The following PRKG1 variants were observed in gnomAD, a reference collection of about 807,000 sequenced individuals.
The protein encoded by PRKG1 is protein kinase cGMP-dependent 1.
PRKG1 carries 35 observed loss-of-function variants against 88.1 expected under a neutral mutation model. The observed-to-expected ratio is 0.40, with a 90% CI of 0.30 to 0.53. The LOEUF (loss-of-function observed/expected upper bound fraction) is 0.53. Ranked by LOEUF, PRKG1 falls within the 20% of genes least tolerant of loss-of-function variation. The pLI is 0.59. For synonymous variants in PRKG1, 303 were observed against 292.5 expected (o/e 1.04, Z -0.37); for missense variants, 540 against 839.8 (o/e 0.64, Z 4.41).
intron 2 of PRKG1, among the ~76,000 whole-genome samples, chr10:51,192,388 T>C (rs1837653143): frequency 6.6e-6 from 1 of 151,942 alleles, no homozygotes; most frequent in Non-Finnish European, 1.5e-5. Context: ...TCTATTAAAC[T>C]TTGAAATTCT....
chr10:51,750,516 A>G (rs887136505), intron 3 of PRKG1, among the ~76,000 whole-genome samples: 1 of 152,184 alleles, frequency 6.6e-6, no homozygotes, highest in African/African-American at 2.4e-5. Context: ...CCAGGCAATG[A>G]GCTAGCTGCT....
intron 2 of PRKG1, among the ~76,000 whole-genome samples, chr10:51,216,512 TTAA>T (rs762796377): frequency 0.018 from 2,742 of 152,290 alleles, 39 homozygotes; most frequent in Middle Eastern, 0.045. Flanking sequence ...CTCACTGGTT[TTAA>T]AAAACCCGAA....
intron 1 of PRKG1, among the ~76,000 whole-genome samples, chr10:51,002,738 C>T (rs978643484): frequency 6.6e-6 from 1 of 152,170 alleles, no homozygotes; most frequent in African/African-American, 2.4e-5. Flanking sequence ...TGTGATTTAA[C>T]GCTGAGGAGA....
intron 3 of PRKG1, among the ~76,000 whole-genome samples, chr10:51,472,936 G>A (rs1048020636): frequency 6.6e-6 from 1 of 151,916 alleles, no homozygotes; most frequent in African/African-American, 2.4e-5. Flanking sequence ...AAGAAGGGGA[G>A]AAGACACAAA....
chr10:51,740,807 C>G (rs367551626), intron 3 of PRKG1, among the ~76,000 whole-genome samples: 23 of 152,070 alleles, frequency 1.5e-4, no homozygotes, highest in Non-Finnish European at 2.9e-4. Flanking sequence ...AAATTCTACA[C>G]AGCTATCTCC....
At chr10:51,819,208 A>G (rs1001399453) in intron 4 of PRKG1, among the ~76,000 whole-genome samples, 7 of 151,872 alleles carry the variant, frequency 4.6e-5, no homozygotes, top group African/African-American at 1.5e-4. Context: ...TAGAGATCAC[A>G]TGGTGAGAGA....
rs368256307 is a variant in PRKG1, at chr10:51,790,179, A to G, written c.593-14406A>G. Among the ~76,000 whole-genome samples, 8 of 152,216 alleles carry G rather than the reference A, an allele frequency of 5.3e-5. No homozygotes were observed. The South Asian group carries it at 1.4e-3, about 28-fold the overall frequency. ...TGCAGCCTGTCTAAATCTGGATGCA[A>G]TTTACCAGAATGCTTCTTTTATTCC... is the stretch of plus-strand genomic sequence containing the variant. On this transcript the variant is annotated intron_variant, in intron 3 of 17. Coordinates refer to ENST00000373980, the MANE Select transcript of PRKG1 (RefSeq NM_006258.4).
At chr10:51,702,355 A>G (rs566966340) in intron 3 of PRKG1, among the ~76,000 whole-genome samples, 69 of 152,340 alleles carry the variant, frequency 4.5e-4, no homozygotes, top group Admixed American at 9.1e-4. Flanking sequence ...ACATGAACTA[A>G]TACTTATTGT....
intron 2 of PRKG1, among the ~76,000 whole-genome samples, chr10:51,420,252 A>G (rs1838371134): frequency 6.6e-6 from 1 of 152,068 alleles, no homozygotes; most frequent in African/African-American, 2.4e-5. Context: ...ATGACATAGT[A>G]TTAGTATTAC....
intron 2 of PRKG1, among the ~76,000 whole-genome samples, chr10:51,208,457 C>T (rs75429675): frequency 6.6e-6 from 1 of 152,070 alleles, no homozygotes; most frequent in African/African-American, 2.4e-5. Flanking sequence ...TAAGCACAGC[C>T]CCATTGTTAC....
chr10:52,219,804 C>A (rs891267080), intron 9 of PRKG1, among the ~76,000 whole-genome samples: 2 of 152,080 alleles, frequency 1.3e-5, no homozygotes, highest in Admixed American at 1.3e-4. Context: ...AATTATCCTG[C>A]CAAGAGCAAA....
chr10:52,183,504 A>G (rs1241184435), intron 9 of PRKG1, among the ~76,000 whole-genome samples: 1 of 152,144 alleles, frequency 6.6e-6, no homozygotes, highest in Non-Finnish European at 1.5e-5. Flanking sequence ...TCCTCCAGCT[A>G]GAAGTGTGGG....
chr10:51,018,601 C>T (rs1288060963), intron 1 of PRKG1, among the ~76,000 whole-genome samples: 3 of 152,166 alleles, frequency 2.0e-5, no homozygotes, highest in Admixed American at 2.0e-4. Flanking sequence ...TTTAGGTCTC[C>T]TGATTCTCAA....
intron 3 of PRKG1, among the ~76,000 whole-genome samples, chr10:51,546,400 G>C (rs1271150106): frequency 6.6e-6 from 1 of 151,988 alleles, no homozygotes; most frequent in Non-Finnish European, 1.5e-5. Context: ...ACACTAATTT[G>C]TATTAATTCT....
intron 2 of PRKG1, among the ~76,000 whole-genome samples, chr10:51,395,546 A>G (rs1305264154): frequency 6.6e-6 from 1 of 152,130 alleles, no homozygotes; most frequent in African/African-American, 2.4e-5. Flanking sequence ...GGATTGGCTC[A>G]TTTTGCTTTA....
chr10:51,491,069 C>T (rs1053507185), intron 3 of PRKG1, among the ~76,000 whole-genome samples: 9 of 151,902 alleles, frequency 5.9e-5, no homozygotes, highest in East Asian at 1.9e-4. Flanking sequence ...TTCATGTTGG[C>T]GTGCTTCTGC....
chr10:51,114,908 T>A (rs1845074212), intron 1 of PRKG1, among the ~76,000 whole-genome samples: 1 of 152,228 alleles, frequency 6.6e-6, no homozygotes, highest in Non-Finnish European at 1.5e-5. Flanking sequence ...TTATTACTGC[T>A]GGATTAATGG....
chr10:51,684,245 C>T (rs753660565), intron 3 of PRKG1, among the ~76,000 whole-genome samples: 2 of 152,034 alleles, frequency 1.3e-5, no homozygotes, highest in Non-Finnish European at 2.9e-5. Flanking sequence ...AAGCTGAAGA[C>T]CATACGTTGT....
At chr10:51,327,814 A>C (rs1564448136) in intron 2 of PRKG1, among the ~76,000 whole-genome samples, 1 of 152,236 alleles carries the variant, frequency 6.6e-6, no homozygotes, top group Non-Finnish European at 1.5e-5. Flanking sequence ...TCTAATTGAG[A>C]TCACCATCAT....
Sources: allele counts gnomAD v4.1 joint callset (sites outside exome capture counted in the v4.1 genomes callset), GRCh38; gene constraint gnomAD v4.1.1; transcripts MANE v1.5; gene names NCBI Gene and HGNC (gene_info 2026-07-23, HGNC 2026-07-21).